The following BABAM2 variants were observed in gnomAD, a reference collection of about 807,000 sequenced individuals.
BABAM2 encodes the protein BRISC and BRCA1-A complex member 2.
A neutral mutation model predicts 54.7 loss-of-function variants in BABAM2; 31 were observed. The observed-to-expected ratio is 0.57, with a 90% CI of 0.43 to 0.77. The LOEUF is 0.77. Ranked by LOEUF, BABAM2 falls within the 30% of genes least tolerant of loss-of-function variation. The pLI is 0.00. For missense variants in BABAM2, 364 were observed against 455.8 expected (o/e 0.80, Z 1.83); for synonymous variants, 167 against 162.9 (o/e 1.03, Z -0.19).
At chr2:28,288,196 T>G (rs1262197506) in intron 10 of BABAM2, among the ~76,000 whole-genome samples, 1 of 152,138 alleles carries the variant, frequency 6.6e-6, no homozygotes, top group Non-Finnish European at 1.5e-5. Context: ...GGAGAAGGAC[T>G]TGGCCTGTGA....
intron 10 of BABAM2, 68 bp from the exon 11 acceptor site, chr2:28,298,270 A>G: frequency 6.6e-7 from 1 of 1,517,908 alleles, no homozygotes. Context: ...ATTCGGATTT[A>G]GTCAAAAAAA....
chr2:28,205,664 T>G (rs1247215840), intron 7 of BABAM2, among the ~76,000 whole-genome samples: 2 of 152,188 alleles, frequency 1.3e-5, no homozygotes, highest in Non-Finnish European at 2.9e-5. Flanking sequence ...ATGAAATTAA[T>G]ATGGTCTTAA....
At chr2:28,007,935 T>C (rs1401681168) in intron 4 of BABAM2, among the ~76,000 whole-genome samples, 1 of 152,152 alleles carries the variant, frequency 6.6e-6, no homozygotes, top group Admixed American at 6.6e-5. Flanking sequence ...AGTATCTTTA[T>C]TGACCCTGGA....
intron 7 of BABAM2, among the ~76,000 whole-genome samples, chr2:28,187,084 C>T (rs777920796): frequency 1.2e-4 from 18 of 152,096 alleles, no homozygotes; most frequent in African/African-American, 4.3e-4. Context: ...GGATTGCAGG[C>T]GTGAGCCACC....
chr2:28,325,244 A>C lies in BABAM2; in HGVS notation c.1089-13206A>C, dbSNP rs1411491846. ...TCCCTCCCTCCCTTTCTGTAACGGA[A>C]GCCTGGGGCCGCAGGGCTACCTGCT... is the stretch of plus-strand genomic sequence containing the variant. On this transcript the variant is annotated intron_variant, in intron 11 of 11. Coordinates refer to ENST00000379624, the MANE Select transcript of BABAM2 (RefSeq NM_199191.3). The surrounding 1 kb of genome is among the most constrained non-coding windows in gnomAD (Gnocchi z 4.3). 6.6e-6 allele frequency among the ~76,000 whole-genome samples: 1 copy of C among 152,140 alleles called. No homozygotes were observed. The highest frequency in any genetic ancestry group is 1.9e-4 in the East Asian group (1 of 5,192).
intron 11 of BABAM2, 152 bp from the exon 12 acceptor site, chr2:28,338,298 G>T: frequency 1.4e-6 from 1 of 712,252 alleles, no homozygotes. Flanking sequence ...AAATCCGGAG[G>T]GCTTTGCCTC....
chr2:28,311,273 A>G (rs1689066547), intron 11 of BABAM2, among the ~76,000 whole-genome samples: 1 of 151,984 alleles, frequency 6.6e-6, no homozygotes, highest in African/African-American at 2.4e-5. Flanking sequence ...AAAAAAAAAA[A>G]AAAAAAGAAC....
At chr2:28,118,180 T>C (rs549121562) in intron 6 of BABAM2, among the ~76,000 whole-genome samples, 1 of 152,338 alleles carries the variant, frequency 6.6e-6, no homozygotes, top group African/African-American at 2.4e-5. Flanking sequence ...GCAGTAAACC[T>C]ATGTATGCAT....
At chr2:28,003,391 A>G (rs571934978) in intron 4 of BABAM2, among the ~76,000 whole-genome samples, 9 of 152,214 alleles carry the variant, frequency 5.9e-5, no homozygotes, top group South Asian at 2.1e-4. Flanking sequence ...TAGAAAGTCA[A>G]TTCTAAGGCT....
chr2:28,230,437 C>T (rs1468811749), intron 7 of BABAM2, among the ~76,000 whole-genome samples: 5 of 151,512 alleles, frequency 3.3e-5, no homozygotes, highest in East Asian at 3.9e-4. Context: ...AGAACAAGTC[C>T]GGGCGTGATG....
At chr2:28,049,177 T>A (rs1002489606) in intron 6 of BABAM2, among the ~76,000 whole-genome samples, 3 of 152,226 alleles carry the variant, frequency 2.0e-5, no homozygotes, top group Non-Finnish European at 4.4e-5. Flanking sequence ...TAAGCCAGTT[T>A]TATACAGAAT....
chr2:28,190,558 A>G (rs1243991944), intron 7 of BABAM2, among the ~76,000 whole-genome samples: 1 of 152,148 alleles, frequency 6.6e-6, no homozygotes, highest in Non-Finnish European at 1.5e-5. Flanking sequence ...GTGGTGGTGC[A>G]TGTCTGTAAT....
At chr2:27,923,085 C>T (rs1020291095) in intron 2 of BABAM2, among the ~76,000 whole-genome samples, 9 of 152,112 alleles carry the variant, frequency 5.9e-5, no homozygotes, top group African/African-American at 2.2e-4. Flanking sequence ...CCCAGCCAAG[C>T]CATTCCCAAA....
At position 28,322,017 on chromosome 2, in the gene BABAM2, G is replaced by T. The variant is rs1287341641; in HGVS notation, c.1089-16433G>T. On this transcript the variant is annotated intron_variant, in intron 11 of 11. Transcript: ENST00000379624. This position sits in a 1 kb window ranked among gnomAD's most constrained non-coding sequence, Gnocchi z 4.1. The stretch of plus-strand genomic sequence containing the variant: ...CAAGTCCCTGCAATTGACAGTGGTT[G>T]CATGAACTTAAGAATAATAGATCCT... 6.6e-6 allele frequency among the ~76,000 whole-genome samples: 1 copy of T among 151,984 alleles called. No homozygotes were observed. The highest frequency in any genetic ancestry group is 1.5e-5 in the Non-Finnish European group (1 of 67,988).
Position 28,200,106 on chromosome 2 carries a change from A to G in BABAM2, c.681-37096A>G, listed in dbSNP as rs367712504. Among the ~76,000 whole-genome samples the G allele has an allele frequency of 3.3e-4, 50 of 152,310 alleles. 1 individual carries two copies. The South Asian group carries it at 5.4e-3, about 16-fold the overall frequency. ...TTCATACGTAGCTGGTTTAGAATCA[A>G]CTTTCCAAAACAACCCTACCTATCT... On this transcript the variant is annotated intron_variant, in intron 7 of 11. Coordinates refer to ENST00000379624, the MANE Select transcript of BABAM2 (RefSeq NM_199191.3).
intron 7 of BABAM2, among the ~76,000 whole-genome samples, chr2:28,206,361 C>G (rs1167450536): frequency 6.6e-6 from 1 of 152,078 alleles, no homozygotes; most frequent in Admixed American, 6.5e-5. Context: ...CAGGAGACTT[C>G]TGCAAAGGGG....
Position 28,325,942 on chromosome 2 carries a change from TG to T in BABAM2, c.1089-12507del, listed in dbSNP as rs1177729167. 3.3e-5 allele frequency among the ~76,000 whole-genome samples: 5 copies of T among 152,180 alleles called. No homozygotes were observed. Among genetic ancestry groups the T allele is most frequent in the Non-Finnish European group, 5.9e-5 (4 of 68,024 alleles). On this transcript the variant is annotated intron_variant, in intron 11 of 11. Coordinates refer to ENST00000379624, the MANE Select transcript of BABAM2 (RefSeq NM_199191.3). This position sits in a 1 kb window ranked among gnomAD's most constrained non-coding sequence, Gnocchi z 4.3. Reference sequence around the variant, plus strand: ...GGGAAGGTTAGAGGCCTCAAGGAGTTGATCTCCTAAGTGTTCCTGAGGCCCT... The same window carrying T: ...GGGAAGGTTAGAGGCCTCAAGGAGTTATCTCCTAAGTGTTCCTGAGGCCCT...
chr2:27,975,880 G>A (rs751706674), intron 3 of BABAM2, among the ~76,000 whole-genome samples: 1 of 151,862 alleles, frequency 6.6e-6, no homozygotes, highest in Non-Finnish European at 1.5e-5. Flanking sequence ...AAAAAAAATG[G>A]GGAACAGATC....
At chr2:27,977,431 A>T (rs969670781) in intron 3 of BABAM2, among the ~76,000 whole-genome samples, 4 of 152,152 alleles carry the variant, frequency 2.6e-5, no homozygotes, top group African/African-American at 7.2e-5. Flanking sequence ...TAAATTTAAA[A>T]TTTCAAAATG....
Sources: gnomAD v4.1 joint callset for allele counts (sites outside exome capture counted in the v4.1 genomes callset) on GRCh38, gnomAD v4.1.1 for gene constraint, Gnocchi (gnomAD v3.1) non-coding constraint, MANE v1.5 for transcripts, NCBI Gene and HGNC (gene_info 2026-07-23, HGNC 2026-07-21) for gene names.